The following FAM174B variants were observed in gnomAD, a reference collection of about 807,000 sequenced individuals.
The protein encoded by FAM174B is family with sequence similarity 174 member B.
FAM174B carries 12 observed loss-of-function variants against 10.9 expected under a neutral mutation model. That is an observed-to-expected ratio of 1.10 (90% CI 0.71 to 1.79). The LOEUF (loss-of-function observed/expected upper bound fraction) is 1.79. Among genes scored for constraint, FAM174B ranks in the 40% most tolerant of loss-of-function variants. FAM174B has a pLI of 0.00. For missense variants in FAM174B, 266 were observed against 233.3 expected (o/e 1.14, Z -0.91); for synonymous variants, 132 against 115.8 (o/e 1.14, Z -0.90).
At chr15:92,632,313 G>C (rs1043408731) in intron 1 of FAM174B, among the ~76,000 whole-genome samples, 1 of 152,206 alleles carries the variant, frequency 6.6e-6, no homozygotes, top group Non-Finnish European at 1.5e-5. Context: ...GGGAGGCCAA[G>C]TCAGGTGGAT....
Position 92,655,762 on chromosome 15 carries a change from G to T in FAM174B, c.-103C>A. 1 of 1,023,882 alleles carries T rather than the reference G, an allele frequency of 9.8e-7. No homozygotes were observed. Among genetic ancestry groups the T allele is most frequent in the Non-Finnish European group, 1.2e-6 (1 of 816,120 alleles). 63.4% of individuals were successfully genotyped at this position (1,023,882 alleles called of 1,614,324 possible). On this transcript the variant is annotated 5_prime_UTR_variant, in exon 1 of 3. Transcript: ENST00000327355. ...ACCGGGGGATCCTGCGGCGGAGGCGGCTGCGCGGTGCTTGGCAGGAAGCTG... is the reference window on the plus strand; with the variant it reads ...ACCGGGGGATCCTGCGGCGGAGGCGTCTGCGCGGTGCTTGGCAGGAAGCTG...
rs549391875 is a variant in FAM174B, at chr15:92,620,420, C to T, written c.477-961G>A. ...GGCTGAGGCAGGACAATGGTGTGAA[C>T]CCGGGAGGCAGAGCTCGCAGTGAGC... On this transcript the variant is annotated intron_variant, in intron 2 of 2. Transcript: ENST00000327355. Among the ~76,000 whole-genome samples the T allele has an allele frequency of 2.0e-4, 30 of 152,266 alleles. No individual in the cohort carries two copies. In the Middle Eastern group the frequency reaches 0.017, roughly 86 times the overall value.
At chr15:92,652,645 A>C (rs141954103) in intron 1 of FAM174B, among the ~76,000 whole-genome samples, 4 of 152,306 alleles carry the variant, frequency 2.6e-5, no homozygotes, top group Admixed American at 6.5e-5. Context: ...CACGAACCCC[A>C]GCTTAACAGA....
chr15:92,622,747 C>T (rs899557803), intron 2 of FAM174B, among the ~76,000 whole-genome samples: 1 of 152,244 alleles, frequency 6.6e-6, no homozygotes, highest in Non-Finnish European at 1.5e-5. Context: ...GGGCTCACTT[C>T]GTGGTCCTCT....
intron 1 of FAM174B, among the ~76,000 whole-genome samples, chr15:92,637,058 GC>G (rs1374565954): frequency 6.6e-6 from 1 of 152,204 alleles, no homozygotes; most frequent in Non-Finnish European, 1.5e-5. Context: ...CCTGGGTGAA[GC>G]CCCTCCCACA....
intron 2 of FAM174B, among the ~76,000 whole-genome samples, chr15:92,623,712 G>A (rs914951981): frequency 3.3e-5 from 5 of 152,196 alleles, no homozygotes; most frequent in African/African-American, 1.2e-4. Context: ...AGGACGCAGT[G>A]GCCTTATGAG....
chr15:92,647,403 T>C (rs1258642152), intron 1 of FAM174B, among the ~76,000 whole-genome samples: 1 of 152,126 alleles, frequency 6.6e-6, no homozygotes, highest in Non-Finnish European at 1.5e-5. Flanking sequence ...GCTCCTTATC[T>C]GCCAAGTAGA....
At chr15:92,653,737 G>C (rs998617345) in intron 1 of FAM174B, among the ~76,000 whole-genome samples, 1 of 152,380 alleles carries the variant, frequency 6.6e-6, no homozygotes, top group Admixed American at 6.5e-5. Context: ...CTGGGCCTTG[G>C]TGGCTGCACG....
In FAM174B at chr15:92,619,588, C is replaced by T. The variant is rs887928401; in HGVS notation, c.477-129G>A. ...AAGGCCACAGTCCCCAGCCACAGGA[C>T]CTTTGAGCGTGCTGTCTGGAAGGCG... On this transcript the variant is annotated intron_variant, in intron 2 of 2. Coordinates refer to ENST00000327355, the MANE Select transcript of FAM174B (RefSeq NM_207446.3). 3.7e-6 allele frequency: 4 copies of T among 1,067,884 alleles called. No individual in the cohort carries two copies. The African/African-American group carries it at 6.4e-5, about 17-fold the overall frequency. 66.2% of individuals were successfully genotyped at this position (1,067,884 alleles called of 1,614,324 possible). A position where few individuals can be genotyped will look rare whatever the true frequency, so the allele number is the denominator to read the frequency against.
intron 1 of FAM174B, among the ~76,000 whole-genome samples, chr15:92,631,878 T>C (rs1241106444): frequency 6.6e-6 from 1 of 152,144 alleles, no homozygotes; most frequent in Admixed American, 6.5e-5. Flanking sequence ...AGGACCGGGT[T>C]TGTCACAGCC....
intron 1 of FAM174B, among the ~76,000 whole-genome samples, chr15:92,638,162 G>A (rs2050867928): frequency 6.6e-6 from 1 of 152,226 alleles, no homozygotes; most frequent in Non-Finnish European, 1.5e-5. Flanking sequence ...ACCTGGTTGA[G>A]ATGTAAAGTG....
intron 1 of FAM174B, chr15:92,639,270 C>T (rs1278734692): frequency 6.6e-6 from 1 of 152,222 alleles, no homozygotes; most frequent in African/African-American, 2.4e-5. Context: ...CCCGCGATAA[C>T]CAAAAGCAAC....
chr15:92,628,248 T>C (rs907886299), intron 2 of FAM174B, among the ~76,000 whole-genome samples: 5 of 151,790 alleles, frequency 3.3e-5, no homozygotes, highest in Non-Finnish European at 7.4e-5. Flanking sequence ...CACTGCAGCC[T>C]TGATCTCCCA....
At chr15:92,632,785 A>G (rs1397690885) in intron 1 of FAM174B, among the ~76,000 whole-genome samples, 4 of 152,006 alleles carry the variant, frequency 2.6e-5, no homozygotes, top group Non-Finnish European at 5.9e-5. Context: ...GCCTCTCAGA[A>G]TACTGGGGAT....
intron 1 of FAM174B, among the ~76,000 whole-genome samples, chr15:92,647,024 T>A (rs1365266039): frequency 1.3e-5 from 2 of 152,206 alleles, no homozygotes; most frequent in Admixed American, 1.3e-4. Flanking sequence ...TCAGAATAAA[T>A]CTCTTTAAAT....
rs115418276 is a variant in FAM174B at position 92,644,712 on chromosome 15, T to C, written c.344+10604A>G. Reference sequence around the variant, plus strand: ...ACAAAAGAAACCAGAGCAGCAGGACTGCTGAGACCTAAACAAGGGAACAAA... The same window carrying C: ...ACAAAAGAAACCAGAGCAGCAGGACCGCTGAGACCTAAACAAGGGAACAAA... On this transcript the variant is annotated intron_variant, in intron 1 of 2. Coordinates refer to ENST00000327355, the MANE Select transcript of FAM174B (RefSeq NM_207446.3). Among the ~76,000 whole-genome samples, 692 of 152,322 alleles carry C rather than the reference T, an allele frequency of 4.5e-3. 3 individuals are homozygous for C. The highest frequency in any genetic ancestry group is 0.016 in the African/African-American group (668 of 41,580).
At chr15:92,631,400 T>TTA (rs1555421158) in intron 1 of FAM174B, among the ~76,000 whole-genome samples, 1 of 31,438 alleles carries the variant, frequency 3.2e-5, no homozygotes, top group African/African-American at 2.0e-4. Context: ...ATATATTATA[T>TTA]TATATTATAT....
At chr15:92,641,455 T>C (rs893892091) in intron 1 of FAM174B, among the ~76,000 whole-genome samples, 3 of 152,244 alleles carry the variant, frequency 2.0e-5, no homozygotes, top group African/African-American at 7.2e-5. Flanking sequence ...GTTACATCCA[T>C]ATAATGAACA....
chr15:92,637,448 T>TCA (rs2050863241), intron 1 of FAM174B, among the ~76,000 whole-genome samples: 1 of 152,174 alleles, frequency 6.6e-6, no homozygotes, highest in Non-Finnish European at 1.5e-5. Flanking sequence ...AGGTTTTCTG[T>TCA]CACACACACA....
Sources: gnomAD v4.1 joint callset for allele counts (sites outside exome capture counted in the v4.1 genomes callset) on GRCh38, gnomAD v4.1.1 for gene constraint, MANE v1.5 for transcripts, NCBI Gene and HGNC (gene_info 2026-07-23, HGNC 2026-07-21) for gene names.